The following TMTC2 variants were observed in gnomAD, a reference collection of about 807,000 sequenced individuals.
TMTC2 encodes protein O-mannosyl-transferase TMTC2.
A neutral mutation model predicts 82.4 loss-of-function variants in TMTC2; 43 were observed. That is an observed-to-expected ratio of 0.52 (90% CI 0.41 to 0.67). The LOEUF (loss-of-function observed/expected upper bound fraction) is 0.67, where lower values mean the gene tolerates loss of function less well. TMTC2 is among the 30% of genes least tolerant of loss of function. TMTC2 has a pLI of 0.00. For missense variants in TMTC2, 919 were observed against 1,012.4 expected (o/e 0.91, Z 1.25); for synonymous variants, 408 against 381.9 (o/e 1.07, Z -0.80).
At chr12:83,098,217 G>A (rs1382555651) in intron 11 of TMTC2, among the ~76,000 whole-genome samples, 2 of 152,144 alleles carry the variant, frequency 1.3e-5, no homozygotes, top group Non-Finnish European at 2.9e-5. Context: ...TATCATCCCA[G>A]CACATCTCTG....
chr12:83,056,033 C>G (rs748998170), intron 10 of TMTC2, among the ~76,000 whole-genome samples: 3 of 151,836 alleles, frequency 2.0e-5, no homozygotes, highest in African/African-American at 7.3e-5. Context: ...TGACTGATGG[C>G]TTACATGCTA....
chr12:82,847,006 A>G (rs1011511938), intron 1 of TMTC2, among the ~76,000 whole-genome samples: 3 of 152,060 alleles, frequency 2.0e-5, no homozygotes, highest in Non-Finnish European at 4.4e-5. Flanking sequence ...AGCACCCCAC[A>G]CTGTAATTTA....
chr12:82,985,947 C>G lies in TMTC2; in HGVS notation c.1971C>G (p.Ser657Arg). 5 of 1,613,706 alleles carry G rather than the reference C, an allele frequency of 3.1e-6. No homozygotes were observed. The highest frequency in any genetic ancestry group is 4.2e-6 in the Non-Finnish European group (5 of 1,179,732). The change falls in exon 8 of 12, where the codon AGC becomes AGG. Residue 657 changes from serine (S) to arginine (R), a missense_variant. By Grantham distance (110) the Ser-to-Arg change is moderately radical. Coordinates refer to ENST00000321196, the MANE Select transcript of TMTC2 (RefSeq NM_152588.3). ...CAGGTGAAGCATATATGCGTTTAAG[C>G]AAACTCCCCGAAGCAGAGCATTGGT... ...NMMGEAYMRL[S>R]KLPEAEHWYM...
intron 10 of TMTC2, among the ~76,000 whole-genome samples, chr12:83,053,962 A>G (rs753859023): frequency 3.3e-5 from 5 of 152,124 alleles, no homozygotes; most frequent in Non-Finnish European, 5.9e-5. Context: ...AGAGAACCAC[A>G]GTAGGATTGC....
intron 4 of TMTC2, among the ~76,000 whole-genome samples, chr12:82,935,594 G>T (rs1592639303): frequency 6.6e-6 from 1 of 152,228 alleles, no homozygotes; most frequent in Middle Eastern, 3.4e-3. Context: ...TTGATTTTTA[G>T]ACTAAGAAAG....
At chr12:82,987,137 C>A (rs919380897) in intron 8 of TMTC2, among the ~76,000 whole-genome samples, 3 of 151,994 alleles carry the variant, frequency 2.0e-5, no homozygotes, top group African/African-American at 7.3e-5. Context: ...AATATCCATT[C>A]TAAAATACCA....
At chr12:82,781,318 G>A (rs982668478) in intron 1 of TMTC2, among the ~76,000 whole-genome samples, 1 of 151,176 alleles carries the variant, frequency 6.6e-6, no homozygotes, top group African/African-American at 2.4e-5. Flanking sequence ...TAGGAGAATG[G>A]AAAAACCAAC....
chr12:82,751,111 A>G (rs1053932263), intron 1 of TMTC2, among the ~76,000 whole-genome samples: 1 of 152,228 alleles, frequency 6.6e-6, no homozygotes, highest in Non-Finnish European at 1.5e-5. Flanking sequence ...AAATATATAC[A>G]CAATAGCAAA....
At chr12:82,822,135 A>G (rs1869153397) in intron 1 of TMTC2, among the ~76,000 whole-genome samples, 1 of 152,238 alleles carries the variant, frequency 6.6e-6, no homozygotes, top group African/African-American at 2.4e-5. Context: ...TGGAGGCAGT[A>G]AAAGATGAAT....
Position 82,700,577 on chromosome 12 carries a change from G to A in TMTC2, c.83+12908G>A, listed in dbSNP as rs537595482. On this transcript the variant is annotated intron_variant, in intron 1 of 11. Coordinates refer to ENST00000321196, the MANE Select transcript of TMTC2 (RefSeq NM_152588.3). ...TTTAAGTTTGGAGAAGTGATGTTGA[G>A]ATTTTACCATTATACACACACACAG... Among the ~76,000 whole-genome samples the A allele has an allele frequency of 2.6e-5, 4 of 152,206 alleles. No individual in the cohort carries two copies. The South Asian group carries it at 8.3e-4, about 32-fold the overall frequency.
intron 9 of TMTC2, among the ~76,000 whole-genome samples, chr12:83,031,776 A>C (rs1296511723): frequency 1.3e-5 from 2 of 152,218 alleles, no homozygotes; most frequent in Non-Finnish European, 2.9e-5. Flanking sequence ...ACAGGCTGCA[A>C]GTGTAGAAGA....
At chr12:82,712,669 C>T (rs966734579) in intron 1 of TMTC2, among the ~76,000 whole-genome samples, 1 of 152,082 alleles carries the variant, frequency 6.6e-6, no homozygotes, top group African/African-American at 2.4e-5. Context: ...TTGCAGGTTA[C>T]TGAGACAACC....
chr12:82,913,928 G>A (rs1406839939), intron 3 of TMTC2, among the ~76,000 whole-genome samples: 1 of 152,012 alleles, frequency 6.6e-6, no homozygotes, highest in Non-Finnish European at 1.5e-5. Context: ...CTTTATACGT[G>A]GGTTTCAAAT....
intron 1 of TMTC2, among the ~76,000 whole-genome samples, chr12:82,756,350 T>C (rs949674555): frequency 1.3e-5 from 2 of 152,200 alleles, no homozygotes; most frequent in African/African-American, 4.8e-5. Context: ...GCTGGGTTAT[T>C]ACAGTCTGTC....
intron 1 of TMTC2, among the ~76,000 whole-genome samples, chr12:82,763,521 G>T (rs911077781): frequency 6.6e-6 from 1 of 152,184 alleles, no homozygotes; most frequent in East Asian, 1.9e-4. Flanking sequence ...ACCCAGCTCT[G>T]GTCTTTTAAA....
At chr12:83,108,333 T>G (rs910246284) in intron 11 of TMTC2, among the ~76,000 whole-genome samples, 4 of 152,186 alleles carry the variant, frequency 2.6e-5, no homozygotes, top group African/African-American at 9.6e-5. Context: ...TGATCAGTAT[T>G]ATTTTTAGCT....
intron 4 of TMTC2, among the ~76,000 whole-genome samples, chr12:82,958,728 C>G (rs1215910462): frequency 6.6e-6 from 1 of 151,962 alleles, no homozygotes; most frequent in African/African-American, 2.4e-5. Flanking sequence ...CAACATCATA[C>G]TAAGTGGACA....
chr12:82,930,417 TTTC>T lies in TMTC2; in HGVS notation c.1484-8_1484-6del. ...TTGATGCTCAGTCTGAAAATTTCTT[TTTC>T]TTCTTGGCAGCATGGGGTAACCTTG... is the stretch of plus-strand genomic sequence containing the variant. On this transcript the variant is annotated splice_polypyrimidine_tract_variant and intron_variant, in intron 3 of 11. Transcript: ENST00000321196. The T allele has an allele frequency of 6.5e-7, 1 of 1,546,524 alleles. No individual in the cohort carries two copies. Among genetic ancestry groups the T allele is most frequent in the South Asian group, 1.2e-5 (1 of 84,490 alleles).
intron 8 of TMTC2, among the ~76,000 whole-genome samples, chr12:82,987,525 C>G (rs1207437312): frequency 6.7e-6 from 1 of 148,386 alleles, no homozygotes; most frequent in Non-Finnish European, 1.5e-5. Flanking sequence ...TAAAATATAA[C>G]AGATATGTTT....
Sources: allele counts gnomAD v4.1 joint callset (sites outside exome capture counted in the v4.1 genomes callset), GRCh38; gene constraint gnomAD v4.1.1; transcripts MANE v1.5; gene names NCBI Gene and HGNC (gene_info 2026-07-23, HGNC 2026-07-21).